The following ZFHX2 variants were observed in gnomAD, a reference collection of about 807,000 sequenced individuals.
ZFHX2 encodes the protein zinc finger homeobox protein 2.
ZFHX2 carries 75 observed loss-of-function variants against 164.8 expected under a neutral mutation model. The observed-to-expected ratio is 0.46, with a 90% CI of 0.38 to 0.55. The LOEUF (loss-of-function observed/expected upper bound fraction) is 0.55, where lower values mean the gene tolerates loss of function less well. Ranked by LOEUF, ZFHX2 falls within the 20% of genes least tolerant of loss-of-function variation. The probability of loss-of-function intolerance (pLI) is 0.00; values close to 1 mark genes in which losing one functional copy is unlikely to be tolerated. For synonymous variants in ZFHX2, 1,217 were observed against 1,351.4 expected (o/e 0.90, Z 2.18); for missense variants, 2,933 against 3,308.0 (o/e 0.89, Z 2.78).
Position 23,533,183 on chromosome 14 carries a change from G to C in ZFHX2, c.2042-99C>G. 7.0e-7 allele frequency: 1 copy of C among 1,436,596 alleles called. No individual in the cohort carries two copies. The highest frequency in any genetic ancestry group is 9.1e-7 in the Non-Finnish European group (1 of 1,099,106). The allele number at this position is 1,436,596 out of a possible 1,614,324, so 89.0% of individuals were successfully genotyped here. On this transcript the variant is annotated intron_variant, in intron 2 of 9. Transcript: ENST00000419474. The surrounding 1 kb of genome is among the most constrained non-coding windows in gnomAD (Gnocchi z 4.8). ...TTAATGAGTAGGATAGTGCTCAGAG[G>C]GACTTATGGTTACCTAAGTGGGGAG...
In ZFHX2 at chr14:23,533,791, A is replaced by G; in HGVS notation, c.1535T>C (p.Val512Ala). The change falls in exon 2 of 10, where the codon GTC becomes GCC. Residue 512 changes from valine (V) to alanine (A), a missense_variant. By Grantham distance (64) the Val-to-Ala change is moderately conservative. Transcript: ENST00000419474. The surrounding 1 kb of genome is among the most constrained non-coding windows in gnomAD (Gnocchi z 4.8). ...TTTGGTGGTTGTAGAGTAGTTGCAG[A>G]CGTCACAGCGGTAGGGTTTGTAGCC... ...NCGYKPYRCD[V>A]CNYSTTTKGN... 1.9e-6 allele frequency: 3 copies of G among 1,552,756 alleles called. No individual in the cohort carries two copies. The highest frequency in any genetic ancestry group is 2.6e-6 in the Non-Finnish European group (3 of 1,155,984).
chr14:23,525,643 G>A lies in ZFHX2; in HGVS notation c.4299C>T (p.Asn1433=), dbSNP rs1446340152. ...CTTTGGCTGCAGTGCGGGCAGCCTC[G>A]TTGGGCAATGGGTCGGGGGGTGAGG... is the stretch of plus-strand genomic sequence containing the variant. ...GPSSPPDPLP[N]EAARTAAKAL... is the part of the protein sequence containing the mutation. The change falls in exon 9 of 10, where the codon AAC becomes AAT. Residue 1433 remains asparagine (N), a synonymous_variant. Coordinates refer to ENST00000419474, the MANE Select transcript of ZFHX2 (RefSeq NM_033400.3). The surrounding 1 kb of genome is among the most constrained non-coding windows in gnomAD (Gnocchi z 5.9). The A allele has an allele frequency of 8.5e-6, 13 of 1,535,668 alleles. No individual in the cohort carries two copies. Among genetic ancestry groups the A allele is most frequent in the East Asian group, 2.4e-5 (1 of 40,900 alleles).
Position 23,524,168 on chromosome 14 carries a change from GGCACCCCCCCA to G in ZFHX2, c.5763_5773del (p.Gly1922Ter). On this transcript the variant is annotated frameshift_variant, in exon 9 of 10. Coordinates refer to ENST00000419474, the MANE Select transcript of ZFHX2 (RefSeq NM_033400.3). LOFTEE classifies it high-confidence loss of function. This position sits in a 1 kb window ranked among gnomAD's most constrained non-coding sequence, Gnocchi z 5.6. ...GGCAGGCGGTTTCACTGCTGGACTA[GGCACCCCCCCA>G]GGGGTGCTTCGAAACTGGCCTTTCC... 6.5e-7 allele frequency: 1 copy of G among 1,536,046 alleles called. No homozygotes were observed. The highest frequency in any genetic ancestry group is 8.7e-7 in the Non-Finnish European group (1 of 1,146,876).
At chr14:23,539,379 T>C (rs180902604) in intron 1 of ZFHX2, among the ~76,000 whole-genome samples, 121 of 152,148 alleles carry the variant, frequency 8.0e-4, no homozygotes, top group African/African-American at 2.5e-3. Context: ...TGTTCTTCCA[T>C]GGAGGTGGGA....
At chr14:23,550,425 A>T (rs1881831148) in intron 1 of ZFHX2, among the ~76,000 whole-genome samples, 1 of 152,258 alleles carries the variant, frequency 6.6e-6, no homozygotes, top group African/African-American at 2.4e-5. Context: ...CCGACAGAAC[A>T]GGCAGCCAAG....
Position 23,524,472 on chromosome 14 carries a change from G to A in ZFHX2, c.5470C>T (p.Pro1824Ser), listed in dbSNP as rs1878447574. The part of the protein sequence containing the change: ...ERNPLVAATS[P>S]MPGPPLKRKH... ...CGTTTGAGAGGTGGACCTGGCATTG[G>A]TGAGGTGGCTGCCACCAGGGGGTTT... Residue 1824 changes from proline (P) to serine (S), a missense_variant, in exon 9 of 10, where the codon CCA (proline) becomes TCA (serine). Coordinates refer to ENST00000419474, the MANE Select transcript of ZFHX2 (RefSeq NM_033400.3). This position sits in a 1 kb window ranked among gnomAD's most constrained non-coding sequence, Gnocchi z 5.6. 3 of 1,533,548 alleles carry A rather than the reference G, an allele frequency of 2.0e-6. No homozygotes were observed. The highest frequency in any genetic ancestry group is 2.6e-6 in the Non-Finnish European group (3 of 1,145,230). 95.0% of individuals were successfully genotyped at this position (1,533,548 alleles called of 1,614,324 possible).
chr14:23,527,065 C>T (rs750309297), intron 7 of ZFHX2, 92 bp from the exon 8 acceptor site: 259 of 1,396,782 alleles, frequency 1.9e-4, no homozygotes, highest in Non-Finnish European at 2.3e-4. Flanking sequence ...GTACTTGTGC[C>T]GAGATCCCTT....
chr14:23,534,238 G>A lies in ZFHX2; in HGVS notation c.1088C>T (p.Ser363Leu), dbSNP rs370294556. The change falls in exon 2 of 10, where the codon TCG becomes TTG. Residue 363 changes from serine (S) to leucine (L), a missense_variant. Ser to Leu is a moderately radical substitution (Grantham distance 145). Transcript: ENST00000419474. The surrounding 1 kb of genome is among the most constrained non-coding windows in gnomAD (Gnocchi z 4.5). ...CCCTGCCTCGCCTGCTGCTACTGGC[G>A]ATTCTTTGGCTTGGGTTGGGCTGGG... ...WDPSPTQAKE[S>L]PVAAGEAGPD... 7 of 1,521,954 alleles carry A rather than the reference G, an allele frequency of 4.6e-6. No homozygotes were observed. The highest frequency in any genetic ancestry group is 1.4e-5 in the African/African-American group (1 of 72,620). The allele number at this position is 1,521,954 out of a possible 1,614,324, so 94.3% of individuals were successfully genotyped here. A position where few individuals can be genotyped will look rare whatever the true frequency, so the allele number is the denominator to read the frequency against.
chr14:23,553,404 A>G (rs1257992899), upstream of ZFHX2, among the ~76,000 whole-genome samples: 1 of 150,562 alleles, frequency 6.6e-6, no homozygotes, highest in Non-Finnish European at 1.5e-5. Flanking sequence ...GTTCGAGACC[A>G]GCCTGACCAA....
At chr14:23,522,986 C>A in intron 9 of ZFHX2, 45 bp from the exon 10 acceptor site, 1 of 1,425,856 alleles carries the variant, frequency 7.0e-7, no homozygotes, top group Non-Finnish European at 9.1e-7. Context: ...ATCTCCTGTC[C>A]CATCATTCTT....
rs1430889197 is a variant in ZFHX2, at chr14:23,525,804, G to A, written c.4138C>T (p.Leu1380=). ...HDLKVGPKLT[L]AGPAPVLSLP... is the part of the protein sequence containing the mutation. ...GACAGCACAGGTGCAGGCCCAGCTAGTGTCAGCTTGGGCCCCACCTTGAGA... is the reference window on the plus strand; with the variant it reads ...GACAGCACAGGTGCAGGCCCAGCTAATGTCAGCTTGGGCCCCACCTTGAGA... Residue 1380 remains leucine, a synonymous_variant, in exon 9 of 10, where the codon CTA becomes TTA. Transcript: ENST00000419474. This position sits in a 1 kb window ranked among gnomAD's most constrained non-coding sequence, Gnocchi z 5.9. The A allele has an allele frequency of 5.4e-6, 8 of 1,472,306 alleles. No individual in the cohort carries two copies. Among genetic ancestry groups the A allele is most frequent in the Non-Finnish European group, 7.2e-6 (8 of 1,116,678 alleles). The allele number at this position is 1,472,306 out of a possible 1,614,324, so 91.2% of individuals were successfully genotyped here.
upstream of ZFHX2, among the ~76,000 whole-genome samples, chr14:23,554,414 G>C (rs1882189659): frequency 6.6e-6 from 1 of 152,112 alleles, no homozygotes; most frequent in South Asian, 2.1e-4. Context: ...TTGCTCTGTT[G>C]CCGAGGCTGG....
In ZFHX2 at chr14:23,551,055, T is replaced by A. The variant is rs1261622938; in HGVS notation, c.-50+288A>T. Among the ~76,000 whole-genome samples, 7 of 151,926 alleles carry A rather than the reference T, an allele frequency of 4.6e-5. No homozygotes were observed. The highest frequency in any genetic ancestry group is 1.0e-4 in the Non-Finnish European group (7 of 67,966). ...CGTCTGTCCGGCGGGCCTCTGCCTT[T>A]CCCGTTCCCGTTTCTCCCTCCACCC... On this transcript the variant is annotated intron_variant, in intron 1 of 9. Coordinates refer to ENST00000419474, the MANE Select transcript of ZFHX2 (RefSeq NM_033400.3). This position sits in a 1 kb window ranked among gnomAD's most constrained non-coding sequence, Gnocchi z 5.3.
chr14:23,541,879 T>G (rs1355629721), intron 1 of ZFHX2, among the ~76,000 whole-genome samples: 4 of 152,248 alleles, frequency 2.6e-5, no homozygotes, highest in African/African-American at 4.8e-5. Context: ...GTACTTTGAT[T>G]CTTCCCTTTT....
chr14:23,550,990 G>C (rs1031907946), intron 1 of ZFHX2, among the ~76,000 whole-genome samples: 2 of 151,078 alleles, frequency 1.3e-5, no homozygotes, highest in African/African-American at 4.9e-5. Context: ...CCCGCTCCCT[G>C]CCCAACTCGG....
rs997070978 is a variant in ZFHX2 at position 23,522,628 on chromosome 14, G to C, written c.7053C>G (p.Pro2351=). ...LGGQFLPFPL[P]PAGGTAPPAV... is the part of the protein sequence containing the mutation. ...CTGGCGGTGCTGTTCCCCCAGCAGG[G>C]GGCAATGGAAAGGGCAGGAACTGGC... The change falls in exon 10 of 10, where the codon CCC becomes CCG. Residue 2351 remains proline (P), a synonymous_variant. Coordinates refer to ENST00000419474, the MANE Select transcript of ZFHX2 (RefSeq NM_033400.3). 6 of 1,534,978 alleles carry C rather than the reference G, an allele frequency of 3.9e-6. No individual in the cohort carries two copies. Among genetic ancestry groups the C allele is most frequent in the Non-Finnish European group, 5.2e-6 (6 of 1,145,960 alleles).
chr14:23,554,848 G>A (rs182415081), upstream of ZFHX2, among the ~76,000 whole-genome samples: 126 of 152,266 alleles, frequency 8.3e-4, 1 homozygote, highest in African/African-American at 2.8e-3. Context: ...GTTCCTCAGG[G>A]AGCTTCCTCA....
chr14:23,525,045 C>G lies in ZFHX2; in HGVS notation c.4897G>C (p.Gly1633Arg). 3.9e-6 allele frequency: 6 copies of G among 1,536,188 alleles called. No homozygotes were observed. The highest frequency in any genetic ancestry group is 5.2e-6 in the Non-Finnish European group (6 of 1,146,912). ...GEVERLASLL[G>R]LASRVVVVWF... ...ACCACCACCACACGGCTAGCCAGAC[C>G]CAACAGACTTGCGAGTCGCTCCACC... Residue 1633 changes from glycine to arginine, a missense_variant, in exon 9 of 10, where the codon GGT becomes CGT. Coordinates refer to ENST00000419474, the MANE Select transcript of ZFHX2 (RefSeq NM_033400.3). This position sits in a 1 kb window ranked among gnomAD's most constrained non-coding sequence, Gnocchi z 5.9.
Position 23,534,861 on chromosome 14 carries a change from C to G in ZFHX2, c.465G>C (p.Leu155=). 2 of 1,536,110 alleles carry G rather than the reference C, an allele frequency of 1.3e-6. No homozygotes were observed. Among genetic ancestry groups the G allele is most frequent in the Non-Finnish European group, 1.7e-6 (2 of 1,146,880 alleles). Residue 155 remains leucine (L), a synonymous_variant, in exon 2 of 10, where the codon CTG becomes CTC. Transcript: ENST00000419474. The surrounding 1 kb of genome is among the most constrained non-coding windows in gnomAD (Gnocchi z 4.5). ...AGGGGGGTGGGTAGGCAAGGAAGGG[C>G]AGACTGGGCTCTTCCTTGATGCCCG... is the stretch of plus-strand genomic sequence containing the variant. ...GEAGIKEEPS[L]PFLAYPPPSH...
Sources: allele counts gnomAD v4.1 joint callset (sites outside exome capture counted in the v4.1 genomes callset), GRCh38; gene constraint gnomAD v4.1.1; non-coding constraint Gnocchi (gnomAD v3.1); transcripts MANE v1.5; gene names NCBI Gene and HGNC (gene_info 2026-07-23, HGNC 2026-07-21).